The following MTHFD2L variants were observed in gnomAD, a reference collection of about 807,000 sequenced individuals.
The protein encoded by MTHFD2L is methylenetetrahydrofolate dehydrogenase (NADP+ dependent) 2 like, also known as bifunctional methylenetetrahydrofolate dehydrogenase/cyclohydrolase 2, mitochondrial.
MTHFD2L carries 29 observed loss-of-function variants against 34.9 expected under a neutral mutation model. The observed-to-expected ratio is 0.83, with a 90% CI of 0.62 to 1.13. The LOEUF is 1.13. MTHFD2L is among the 50% of genes most tolerant of loss of function. The probability of loss-of-function intolerance (pLI) is 0.00; values close to 1 mark genes in which losing one functional copy is unlikely to be tolerated. For synonymous variants in MTHFD2L, 167 were observed against 155.7 expected (o/e 1.07, Z -0.54); for missense variants, 481 against 446.5 (o/e 1.08, Z -0.70).
chr4:74,127,502 T>A (rs180826697), intron 1 of MTHFD2L, among the ~76,000 whole-genome samples: 114 of 152,322 alleles, frequency 7.5e-4, no homozygotes, highest in Admixed American at 1.4e-3. Flanking sequence ...TAGGCCATAT[T>A]TGTCTCTCTG....
At chr4:74,223,465 G>A (rs897413410) in intron 5 of MTHFD2L, among the ~76,000 whole-genome samples, 2 of 151,894 alleles carry the variant, frequency 1.3e-5, no homozygotes, top group Admixed American at 6.6e-5. Context: ...GAAGCTTACC[G>A]GTGGGTGGAG....
chr4:74,246,247 C>T (rs984577313), intron 6 of MTHFD2L, among the ~76,000 whole-genome samples: 6 of 151,808 alleles, frequency 4.0e-5, no homozygotes, highest in South Asian at 2.1e-4. Context: ...AGCATTTTTT[C>T]GTGTGTCTTT....
intron 6 of MTHFD2L, among the ~76,000 whole-genome samples, chr4:74,256,610 C>T (rs1382961360): frequency 2.0e-5 from 3 of 152,164 alleles, no homozygotes; most frequent in Non-Finnish European, 4.4e-5. Flanking sequence ...CTGCATATGG[C>T]TAGCCAGCTA....
At chr4:74,232,749 A>C (rs1740264009) in intron 6 of MTHFD2L, among the ~76,000 whole-genome samples, 1 of 152,218 alleles carries the variant, frequency 6.6e-6, no homozygotes, top group East Asian at 1.9e-4. Context: ...ATATTTAAAC[A>C]ATTCTTTTGC....
At chr4:74,161,587 C>G (rs908168874) in intron 1 of MTHFD2L, 3 of 152,160 alleles carry the variant, frequency 2.0e-5, no homozygotes, top group African/African-American at 7.2e-5. Context: ...TCCAGCTGTT[C>G]AGAGATAGTG....
At chr4:74,116,512 A>G (rs1721658115) in intron 2 of MTHFD2L, among the ~76,000 whole-genome samples, 1 of 152,216 alleles carries the variant, frequency 6.6e-6, no homozygotes, top group Admixed American at 6.5e-5. Flanking sequence ...AAACTATATG[A>G]CCACATGAGC....
intron 6 of MTHFD2L, among the ~76,000 whole-genome samples, chr4:74,265,861 T>C (rs2110233822): frequency 6.6e-6 from 1 of 152,324 alleles, no homozygotes; most frequent in African/African-American, 2.4e-5. Context: ...CTTTGTATGA[T>C]GGGTGAAGAA....
At chr4:74,121,713 A>T (rs1018075685), upstream of MTHFD2L, among the ~76,000 whole-genome samples, 3 of 146,880 alleles carry the variant, frequency 2.0e-5, no homozygotes, top group East Asian at 5.8e-4. Context: ...ATTTAATTAT[A>T]TATATGGCGA....
intron 7 of MTHFD2L, among the ~76,000 whole-genome samples, chr4:74,291,452 T>C (rs1034285691): frequency 1.1e-4 from 17 of 152,180 alleles, no homozygotes; most frequent in African/African-American, 2.4e-5. Flanking sequence ...TCAAGTTAAC[T>C]TAATGGGAAC....
At chr4:74,270,928 T>C (rs988573661) in intron 6 of MTHFD2L, among the ~76,000 whole-genome samples, 2 of 152,138 alleles carry the variant, frequency 1.3e-5, no homozygotes, top group African/African-American at 4.8e-5. Flanking sequence ...CCAGTGAGGA[T>C]GAGCATTTTT....
At chr4:74,270,364 C>T (rs973493635) in intron 6 of MTHFD2L, among the ~76,000 whole-genome samples, 2 of 151,704 alleles carry the variant, frequency 1.3e-5, no homozygotes, top group South Asian at 4.2e-4. Context: ...TGTTCCCCTT[C>T]CTGTGTCCAA....
At chr4:74,217,184 T>C (rs998526352) in intron 5 of MTHFD2L, among the ~76,000 whole-genome samples, 3 of 151,846 alleles carry the variant, frequency 2.0e-5, no homozygotes, top group Non-Finnish European at 4.4e-5. Flanking sequence ...CCTGAAATGC[T>C]TTTTTTCCTC....
intron 1 of MTHFD2L, chr4:74,162,123 A>T (rs1725587412): frequency 6.6e-6 from 1 of 152,168 alleles, no homozygotes; most frequent in Non-Finnish European, 1.5e-5. Context: ...TCAGGGCGGG[A>T]TATTATCCAA....
chr4:74,125,810 T>C (rs1223589717), intron 1 of MTHFD2L, among the ~76,000 whole-genome samples: 1 of 152,190 alleles, frequency 6.6e-6, no homozygotes, highest in African/African-American at 2.4e-5. Flanking sequence ...ATTTATGGTT[T>C]TAAAAATTTT....
intron 7 of MTHFD2L, among the ~76,000 whole-genome samples, chr4:74,286,196 C>T (rs1748146098): frequency 6.6e-6 from 1 of 152,144 alleles, no homozygotes; most frequent in African/African-American, 2.4e-5. Context: ...AACATACTTC[C>T]TCCCTCCTAA....
chr4:74,137,190 G>T (rs550701362), intron 1 of MTHFD2L, among the ~76,000 whole-genome samples: 3 of 151,760 alleles, frequency 2.0e-5, no homozygotes, highest in African/African-American at 7.3e-5. Context: ...ACCCAGAATG[G>T]GAAAAAACAA....
chr4:74,203,491 C>T (rs922380758), intron 5 of MTHFD2L, among the ~76,000 whole-genome samples: 9 of 152,156 alleles, frequency 5.9e-5, no homozygotes, highest in African/African-American at 1.9e-4. Context: ...AATTTGCTCA[C>T]GGTTCTGCGG....
chr4:74,266,109 A>G (rs1430621350), intron 6 of MTHFD2L, among the ~76,000 whole-genome samples: 2 of 152,156 alleles, frequency 1.3e-5, no homozygotes, highest in African/African-American at 4.8e-5. Context: ...CCTTTCTCAA[A>G]CTTTATTGAC....
chr4:74,207,023 C>T lies in MTHFD2L; in HGVS notation c.712+5653C>T, dbSNP rs1015021049. On this transcript the variant is annotated intron_variant, in intron 5 of 7. Coordinates refer to ENST00000325278, the MANE Select transcript of MTHFD2L (RefSeq NM_001144978.3). Reference sequence around the variant, plus strand: ...ACAGGTGATCCTCCTGTTGGGAGCACGGTTGTTGGGACCACAGGCACACAC... The same window carrying T: ...ACAGGTGATCCTCCTGTTGGGAGCATGGTTGTTGGGACCACAGGCACACAC... Among the ~76,000 whole-genome samples the T allele has an allele frequency of 4.6e-5, 7 of 151,938 alleles. No homozygotes were observed. The East Asian group carries it at 5.8e-4, about 13-fold the overall frequency.
Sources: gnomAD v4.1 joint callset for allele counts (sites outside exome capture counted in the v4.1 genomes callset) on GRCh38, gnomAD v4.1.1 for gene constraint, MANE v1.5 for transcripts, NCBI Gene and HGNC (gene_info 2026-07-23, HGNC 2026-07-21) for gene names.